The following KLHL31 variants were observed in gnomAD, a reference collection of about 807,000 sequenced individuals.
KLHL31 encodes the protein kelch-like protein 31.
KLHL31 carries 32 observed loss-of-function variants against 47.1 expected under a neutral mutation model. The ratio of observed to expected loss-of-function variants is 0.68; its 90% CI spans 0.51 to 0.91. The LOEUF is 0.91. KLHL31 is among the 40% of genes least tolerant of loss of function. The pLI is 0.00. For synonymous variants in KLHL31, 330 were observed against 325.1 expected, an observed-to-expected ratio of 1.01 and a Z score of -0.16; for missense variants, 797 against 819.3, an observed-to-expected ratio of 0.97 and a Z score of 0.33.
intron 1 of KLHL31, among the ~76,000 whole-genome samples, chr6:53,657,856 T>C (rs1270740803): frequency 6.6e-6 from 1 of 152,096 alleles, no homozygotes; most frequent in African/African-American, 2.4e-5. Context: ...TCCAGTGCTT[T>C]TGTTTTCCTC....
intron 1 of KLHL31, among the ~76,000 whole-genome samples, chr6:53,657,826 TAG>T (rs1011551875): frequency 1.3e-5 from 2 of 152,162 alleles, no homozygotes; most frequent in Non-Finnish European, 2.9e-5. Context: ...AGGCAGAAAA[TAG>T]AGATGGTCTA....
Position 53,651,934 on chromosome 6 carries a change from C to T in KLHL31, c.1569G>A (p.Leu523=). The part of the protein sequence containing the change: ...DRVYVMGGSQ[L]GPRGERVDVL... The stretch of plus-strand genomic sequence containing the variant: ...CGTCCACGCGCTCCCCGCGCGGCCC[C>T]AGCTGGCTGCCGCCCATCACGTACA... The change falls in exon 3 of 3, where the codon CTG becomes CTA. Residue 523 remains leucine, a synonymous_variant. Coordinates refer to ENST00000370905, the MANE Select transcript of KLHL31 (RefSeq NM_001003760.5). 1 of 1,589,368 alleles carries T rather than the reference C, an allele frequency of 6.3e-7. No homozygotes were observed. Among genetic ancestry groups the T allele is most frequent in the Non-Finnish European group, 8.5e-7 (1 of 1,174,298 alleles).
rs778491234 is a variant in KLHL31 at position 53,651,625 on chromosome 6, C to A, written c.1878G>T (p.Ser626=). The part of the protein sequence containing the change: ...NNVTRESRAS[S]VSSVPVSI Reference sequence around the variant, plus strand: ...AGATACTGACTGGCACAGAAGATACCGAACTGGCCCGGGATTCCCGAGTCA... The same window carrying A: ...AGATACTGACTGGCACAGAAGATACAGAACTGGCCCGGGATTCCCGAGTCA... The change falls in exon 3 of 3, where the codon TCG becomes TCT. Residue 626 remains serine, a synonymous_variant. Transcript: ENST00000370905. 5 of 1,613,996 alleles carry A rather than the reference C, an allele frequency of 3.1e-6. No individual in the cohort carries two copies. In the Admixed American group the frequency reaches 6.7e-5, roughly 22 times the overall value.
In KLHL31 at chr6:53,654,792, C is replaced by T. The variant is rs1764531717; in HGVS notation, c.481G>A (p.Asp161Asn). 1.2e-6 allele frequency: 2 copies of T among 1,614,094 alleles called. No individual in the cohort carries two copies. The highest frequency in any genetic ancestry group is 1.7e-6 in the Non-Finnish European group (2 of 1,180,018). Residue 161 changes from aspartate (D) to asparagine (N), a missense_variant, in exon 2 of 3, where the codon GAT (aspartate) becomes AAT (asparagine). Asp to Asn is a conservative substitution (Grantham distance 23). Coordinates refer to ENST00000370905, the MANE Select transcript of KLHL31 (RefSeq NM_001003760.5). ...ACACTCATCTCCCGTATCAGAAAAT[C>T]ACTGCACATCTTTACAAGAGTATGG... is the stretch of plus-strand genomic sequence containing the variant. ...QIHTLVKMCS[D>N]FLIREMSVEN...
At position 53,654,988 on chromosome 6, in the gene KLHL31, A is replaced by G. The variant is rs1369755783; in HGVS notation, c.285T>C (p.Ser95=). 3.1e-6 allele frequency: 5 copies of G among 1,614,206 alleles called. No individual in the cohort carries two copies. The part of the protein sequence containing the change: ...DVHKSVMASC[S]EYFYNILKKD... ...TTTTTAGGATGTTGTAAAAATACTCACTGCATGAAGCCATGACTGACTTAT... is the reference window on the plus strand; with the variant it reads ...TTTTTAGGATGTTGTAAAAATACTCGCTGCATGAAGCCATGACTGACTTAT... Residue 95 remains serine (S), a synonymous_variant, in exon 2 of 3, where the codon AGT becomes AGC. Transcript: ENST00000370905.
Position 53,665,626 on chromosome 6 carries a change from A to G in KLHL31, c.-59T>C, listed in dbSNP as rs960608471. 11 of 152,290 alleles carry G rather than the reference A, an allele frequency of 7.2e-5. No homozygotes were observed. Among genetic ancestry groups the G allele is most frequent in the Non-Finnish European group, 1.0e-4 (7 of 68,132 alleles). 9.4% of individuals were successfully genotyped at this position (152,290 alleles called of 1,614,324 possible). On this transcript the variant is annotated 5_prime_UTR_variant, in exon 1 of 3. Transcript: ENST00000370905. ...CCTCCTTGGGTGAAGTGGCAGGTCA[A>G]CTTGAGATGATGAAGTTTTAGCAGG...
At chr6:53,664,498 C>A (rs1022521546) in intron 1 of KLHL31, among the ~76,000 whole-genome samples, 2 of 152,182 alleles carry the variant, frequency 1.3e-5, no homozygotes, top group African/African-American at 4.8e-5. Context: ...TGCTGCCAAG[C>A]AATGGTACAT....
intron 1 of KLHL31, among the ~76,000 whole-genome samples, chr6:53,663,495 T>A (rs1408022453): frequency 6.6e-6 from 1 of 152,208 alleles, no homozygotes; most frequent in East Asian, 1.9e-4. Flanking sequence ...AATCTGTTTA[T>A]CAGATAATCA....
At chr6:53,662,665 C>A (rs1247074601) in intron 1 of KLHL31, among the ~76,000 whole-genome samples, 1 of 152,144 alleles carries the variant, frequency 6.6e-6, no homozygotes, top group Non-Finnish European at 1.5e-5. Context: ...AGAAACTGGG[C>A]AGAAGGGTAA....
intron 2 of KLHL31, among the ~76,000 whole-genome samples, chr6:53,653,566 T>A (rs1391467503): frequency 2.0e-5 from 3 of 152,240 alleles, no homozygotes; most frequent in African/African-American, 7.2e-5. Flanking sequence ...ACTGACACAT[T>A]TTCTGTTATT....
Position 53,650,324 on chromosome 6 carries a change from T to C in KLHL31, c.*1274A>G, listed in dbSNP as rs997468241. On this transcript the variant is annotated 3_prime_UTR_variant, in exon 3 of 3. Coordinates refer to ENST00000370905, the MANE Select transcript of KLHL31 (RefSeq NM_001003760.5). Reference sequence around the variant, plus strand: ...CTTTCCCCAAAACTTGGCAAACATATAGGAAAAGTGCTATCAAGTGGGTAC... The same window carrying C: ...CTTTCCCCAAAACTTGGCAAACATACAGGAAAAGTGCTATCAAGTGGGTAC... 1 of 152,090 alleles carries C rather than the reference T, an allele frequency of 6.6e-6. No homozygotes were observed. The highest frequency in any genetic ancestry group is 6.5e-5 in the Admixed American group (1 of 15,274). The allele number at this position is 152,090 out of a possible 1,614,324, so 9.4% of individuals were successfully genotyped here.
Position 53,648,326 on chromosome 6 carries a change from T to C in KLHL31, c.*3272A>G, listed in dbSNP as rs1764422339. The C allele has an allele frequency of 6.6e-6, 1 of 152,172 alleles. No homozygotes were observed. Among genetic ancestry groups the C allele is most frequent in the South Asian group, 2.1e-4 (1 of 4,826 alleles). 9.4% of individuals were successfully genotyped at this position (152,172 alleles called of 1,614,324 possible). ...ATCAGCGGCTGGAATAGGGATGTAG[T>C]TCATTCAGAGATTACATAAATTCAT... is the stretch of plus-strand genomic sequence containing the variant. On this transcript the variant is annotated 3_prime_UTR_variant, in exon 3 of 3. Coordinates refer to ENST00000370905, the MANE Select transcript of KLHL31 (RefSeq NM_001003760.5).
At chr6:53,652,402 T>A in intron 2 of KLHL31, 72 bp from the exon 3 acceptor site, 1 of 1,588,502 alleles carries the variant, frequency 6.3e-7, no homozygotes, top group Admixed American at 1.7e-5. Context: ...TTGCAAATCA[T>A]GAGTGGGAAG....
At chr6:53,665,468 C>A (rs1171343608) in intron 1 of KLHL31, 133 bp downstream of exon 1, 1 of 152,202 alleles carries the variant, frequency 6.6e-6, no homozygotes, top group East Asian at 1.9e-4. Flanking sequence ...ACCACCTGAC[C>A]CAGCTGTAGA....
intron 2 of KLHL31, 129 bp from the exon 3 acceptor site, chr6:53,652,459 C>T: frequency 9.1e-7 from 1 of 1,096,212 alleles, no homozygotes; most frequent in Non-Finnish European, 1.3e-6. Context: ...CCCAGCACCT[C>T]ACCTGGAGGC....
At position 53,651,834 on chromosome 6, in the gene KLHL31, T is replaced by G. The variant is rs1368720965; in HGVS notation, c.1669A>C (p.Thr557Pro). 3.1e-6 allele frequency: 5 copies of G among 1,609,672 alleles called. No homozygotes were observed. Among genetic ancestry groups the G allele is most frequent in the Non-Finnish European group, 4.2e-6 (5 of 1,179,764 alleles). Residue 557 changes from threonine to proline, a missense_variant, in exon 3 of 3, where the codon ACT becomes CCT. By Grantham distance (38) the Thr-to-Pro change is conservative (BLOSUM62 -1). Transcript: ENST00000370905. ...YAAPLQVGVS[T>P]AGVSALHGRA... Reference sequence around the variant, plus strand: ...CCATGCAGCGCCGAGACGCCCGCAGTGCTCACTCCCACCTGCAGCGGCGCC... The same window carrying G: ...CCATGCAGCGCCGAGACGCCCGCAGGGCTCACTCCCACCTGCAGCGGCGCC...
chr6:53,654,678 A>C lies in KLHL31; in HGVS notation c.595T>G (p.Phe199Val), dbSNP rs144382718. 529 of 1,614,112 alleles carry C rather than the reference A, an allele frequency of 3.3e-4. No homozygotes were observed. Among genetic ancestry groups the C allele is most frequent in the Non-Finnish European group, 4.3e-4 (503 of 1,180,038 alleles). Residue 199 changes from phenylalanine to valine, a missense_variant, in exon 2 of 3, where the codon TTC becomes GTC. By Grantham distance (50) the Phe-to-Val change is conservative. Coordinates refer to ENST00000370905, the MANE Select transcript of KLHL31 (RefSeq NM_001003760.5). ...AAAQKFIRDN[F>V]LEFAESDQFM... ...TGATCCGATTCTGCAAATTCAAGGA[A>C]GTTATCCCGAATAAATTTCTGGGCT...
rs1455050354 is a variant in KLHL31 at position 53,648,096 on chromosome 6, A to G, written c.*3502T>C. On this transcript the variant is annotated 3_prime_UTR_variant, in exon 3 of 3. Coordinates refer to ENST00000370905, the MANE Select transcript of KLHL31 (RefSeq NM_001003760.5). ...AAAGAATATCCAGGACAAATAATTTATTTCAAATTCCCTGAGAGGGCAAAT... is the reference window on the plus strand; with the variant it reads ...AAAGAATATCCAGGACAAATAATTTGTTTCAAATTCCCTGAGAGGGCAAAT... 2.0e-5 allele frequency: 3 copies of G among 152,660 alleles called. No individual in the cohort carries two copies. The highest frequency in any genetic ancestry group is 2.9e-5 in the Non-Finnish European group (2 of 68,026). The allele number at this position is 152,660 out of a possible 1,614,324, so 9.5% of individuals were successfully genotyped here.
chr6:53,655,165 G>C lies in KLHL31; in HGVS notation c.108C>G (p.Leu36=). The C allele has an allele frequency of 6.2e-7, 1 of 1,614,062 alleles. No homozygotes were observed. Among genetic ancestry groups the C allele is most frequent in the Non-Finnish European group, 8.5e-7 (1 of 1,179,974 alleles). ...PLNKLNALNG[L]LEGGNGLSCI... is the part of the protein sequence containing the mutation. ...AGCTAAGGCCATTGCCTCCCTCTAG[G>C]AGCCCATTCAAAGCATTCAGTTTGT... The change falls in exon 2 of 3, where the codon CTC becomes CTG. Residue 36 remains leucine, a synonymous_variant. Transcript: ENST00000370905.
Sources: allele counts gnomAD v4.1 joint callset (sites outside exome capture counted in the v4.1 genomes callset), GRCh38; gene constraint gnomAD v4.1.1; transcripts MANE v1.5; gene names NCBI Gene and HGNC (gene_info 2026-07-23, HGNC 2026-07-21).